BBS9: variants seen among roughly 807,000 people sequenced by gnomAD.
BBS9 encodes protein PTHB1.
BBS9 carries 89 observed loss-of-function variants against 117.7 expected under a neutral mutation model. The observed-to-expected ratio is 0.76, with a 90% confidence interval of 0.64 to 0.90. The LOEUF is 0.90. Ranked by LOEUF, BBS9 falls within the 40% of genes least tolerant of loss-of-function variation. The probability of loss-of-function intolerance (pLI) is 0.00; values close to 1 mark genes in which losing one functional copy is unlikely to be tolerated. For missense variants in BBS9, 982 were observed against 1,042.2 expected (o/e 0.94, Z 0.80); for synonymous variants, 379 against 370.9 (o/e 1.02, Z -0.25).
At chr7:33,484,990 G>T (rs990579942) in intron 19 of BBS9, among the ~76,000 whole-genome samples, 7 of 152,178 alleles carry the variant, frequency 4.6e-5, no homozygotes, top group Non-Finnish European at 8.8e-5. Flanking sequence ...CATTTCCTTT[G>T]CAGGGACATG....
At chr7:33,146,698 C>CA (rs36056577) in intron 2 of BBS9, among the ~76,000 whole-genome samples, 9,460 of 80,766 alleles carry the variant, frequency 0.12, 477 homozygotes, top group South Asian at 0.18. Context: ...GGCTCCATCT[C>CA]AAAAAAAAAA....
At chr7:33,423,700 G>A (rs1833221276) in intron 19 of BBS9, among the ~76,000 whole-genome samples, 1 of 152,086 alleles carries the variant, frequency 6.6e-6, no homozygotes, top group Admixed American at 6.5e-5. Context: ...AGGACATTTC[G>A]AGACCAAATT....
At chr7:33,371,579 G>C (rs1822868717) in intron 17 of BBS9, among the ~76,000 whole-genome samples, 2 of 152,156 alleles carry the variant, frequency 1.3e-5, no homozygotes, top group South Asian at 4.1e-4. Context: ...GTGAAGAAGA[G>C]AGAGGGGATG....
rs763276826 is a variant in BBS9, at chr7:33,257,390, C to A, written c.597C>A (p.Cys199Ter). ...ATTCCTTCCTTACTGTCTCTTCCTG[C>A]CAACAAGTGGAAAGTTATAAGTAAG... ...RTDSFLTVSSCQQVESYKYQV... is the reference protein window; with the variant it reads ...RTDSFLTVSS Residue 199 changes from cysteine to a stop codon, truncating the protein, a stop_gained, in exon 6 of 23, where the codon TGC becomes TGA. Coordinates refer to ENST00000242067, the MANE Select transcript of BBS9 (RefSeq NM_198428.3). LOFTEE classifies it high-confidence loss of function. 6.2e-7 allele frequency: 1 copy of A among 1,613,742 alleles called. No individual in the cohort carries two copies. Among genetic ancestry groups the A allele is most frequent in the Admixed American group, 1.7e-5 (1 of 59,998 alleles).
intron 19 of BBS9, among the ~76,000 whole-genome samples, chr7:33,415,930 G>A (rs1257593117): frequency 6.6e-6 from 1 of 152,028 alleles, no homozygotes; most frequent in Non-Finnish European, 1.5e-5. Context: ...GACCTCCCTG[G>A]GCTTAGGATC....
chr7:33,264,983 G>C (rs1352816338), intron 7 of BBS9, among the ~76,000 whole-genome samples: 2 of 152,152 alleles, frequency 1.3e-5, no homozygotes, highest in Non-Finnish European at 2.9e-5. Context: ...CAAAGGTGAA[G>C]TTTGATAATT....
intron 21 of BBS9, among the ~76,000 whole-genome samples, chr7:33,559,283 G>T (rs528497242): frequency 6.6e-6 from 1 of 152,294 alleles, no homozygotes; most frequent in East Asian, 1.9e-4. Flanking sequence ...CAGGGTATTT[G>T]ATGAAGATAA....
chr7:33,289,903 G>A (rs955151511), intron 9 of BBS9, among the ~76,000 whole-genome samples: 8 of 152,138 alleles, frequency 5.3e-5, no homozygotes, highest in Middle Eastern at 3.4e-3. Flanking sequence ...TTAGCTAGGC[G>A]TAGTGCTACA....
intron 19 of BBS9, among the ~76,000 whole-genome samples, chr7:33,492,216 A>C (rs939036278): frequency 6.8e-6 from 1 of 146,120 alleles, no homozygotes; most frequent in African/African-American, 2.7e-5. Context: ...AAAAAAAACA[A>C]AAAAAAAACA....
chr7:33,445,090 C>T (rs1836795335), intron 19 of BBS9, among the ~76,000 whole-genome samples: 1 of 152,106 alleles, frequency 6.6e-6, no homozygotes, highest in Non-Finnish European at 1.5e-5. Flanking sequence ...AGGAACAAGG[C>T]TGTACAATAA....
At chr7:33,362,017 A>G (rs1256716026) in intron 16 of BBS9, among the ~76,000 whole-genome samples, 1 of 152,172 alleles carries the variant, frequency 6.6e-6, no homozygotes, top group Non-Finnish European at 1.5e-5. Context: ...CATCACTGCC[A>G]AAAGTTTCCT....
chr7:33,577,562 A>G (rs1327989106), intron 21 of BBS9, among the ~76,000 whole-genome samples: 1 of 152,234 alleles, frequency 6.6e-6, no homozygotes, highest in East Asian at 1.9e-4. Flanking sequence ...GTATATACCC[A>G]AAGAATTATA....
chr7:33,301,456 G>A (rs1806421993), intron 9 of BBS9, among the ~76,000 whole-genome samples: 1 of 151,752 alleles, frequency 6.6e-6, no homozygotes, highest in African/African-American at 2.4e-5. Context: ...AACCATCCTT[G>A]TGCTCTCCAT....
At chr7:33,230,677 G>A (rs1792185847) in intron 5 of BBS9, among the ~76,000 whole-genome samples, 2 of 152,216 alleles carry the variant, frequency 1.3e-5, no homozygotes, top group African/African-American at 4.8e-5. Flanking sequence ...TGTGGTATTT[G>A]GTTTTCTGTT....
At chr7:33,291,921 C>G (rs1419033595) in intron 9 of BBS9, among the ~76,000 whole-genome samples, 1 of 152,098 alleles carries the variant, frequency 6.6e-6, no homozygotes, top group East Asian at 1.9e-4. Flanking sequence ...GCTCCACTTT[C>G]AAGTCTTTGG....
rs1169002752 is a variant in BBS9, at chr7:33,522,142, A to G, written c.2299-11812A>G. ...GTGCCACATTTTCTTAATCCAGTCT[A>G]TCATTGTTGGACATTTGGGTTGGTT... On this transcript the variant is annotated intron_variant, in intron 20 of 22. Coordinates refer to ENST00000242067, the MANE Select transcript of BBS9 (RefSeq NM_198428.3). Among the ~76,000 whole-genome samples the G allele has an allele frequency of 3.3e-5, 5 of 151,774 alleles. No individual in the cohort carries two copies. The East Asian group carries it at 9.7e-4, about 29-fold the overall frequency.
At chr7:33,408,132 T>C (rs541363185) in intron 19 of BBS9, among the ~76,000 whole-genome samples, 188 of 152,340 alleles carry the variant, frequency 1.2e-3, no homozygotes, top group African/African-American at 4.3e-3. Flanking sequence ...TAAGGGAGCC[T>C]GGGCAATGGC....
At chr7:33,482,662 C>G (rs1475172437) in intron 19 of BBS9, among the ~76,000 whole-genome samples, 2 of 152,136 alleles carry the variant, frequency 1.3e-5, no homozygotes, top group Admixed American at 6.5e-5. Flanking sequence ...TCTCCTGAAA[C>G]TATGTTAGAA....
At chr7:33,197,600 A>G (rs969960254) in intron 5 of BBS9, among the ~76,000 whole-genome samples, 11 of 151,956 alleles carry the variant, frequency 7.2e-5, no homozygotes, top group Non-Finnish European at 1.6e-4. Flanking sequence ...TGTCAAATAT[A>G]TTTTTAAAGT....
Sources: allele counts gnomAD v4.1 joint callset (sites outside exome capture counted in the v4.1 genomes callset), GRCh38; gene constraint gnomAD v4.1.1; transcripts MANE v1.5; gene names NCBI Gene and HGNC (gene_info 2026-07-23, HGNC 2026-07-21).